The following GCN1 variants were observed in gnomAD, a reference collection of about 807,000 sequenced individuals.
The protein encoded by GCN1 is GCN1 activator of EIF2AK4, also known as stalled ribosome sensor GCN1.
GCN1 carries 90 observed loss-of-function variants against 288.4 expected under a neutral mutation model. The observed-to-expected ratio is 0.31, with a 90% CI of 0.26 to 0.37. The LOEUF is 0.37. Among genes scored for constraint, GCN1 ranks in the 10% least tolerant of loss-of-function variants. The pLI is 1.00. For missense variants in GCN1, 2,586 were observed against 3,419.9 expected (o/e 0.76, Z 6.08); for synonymous variants, 1,386 against 1,420.2 (o/e 0.98, Z 0.54).
intron 2 of GCN1, among the ~76,000 whole-genome samples, chr12:120,190,085 C>A (rs891536688): frequency 6.6e-6 from 1 of 151,474 alleles, no homozygotes; most frequent in African/African-American, 2.4e-5. Context: ...ATTAGGCAGG[C>A]ATGATATGGG....
At chr12:120,138,571 T>C in intron 46 of GCN1, 124 bp downstream of exon 46, 1 of 1,086,488 alleles carries the variant, frequency 9.2e-7, no homozygotes, top group Non-Finnish European at 1.4e-6. Context: ...CTGATCTTGC[T>C]ATACCCACTC....
At chr12:120,182,166 A>C (rs1046237199) in intron 5 of GCN1, among the ~76,000 whole-genome samples, 6 of 151,836 alleles carry the variant, frequency 4.0e-5, no homozygotes, top group Non-Finnish European at 7.4e-5. Context: ...AAACAAAAAA[A>C]AAAAAACAAA....
chr12:120,170,710 G>C (rs1172746419), intron 14 of GCN1, among the ~76,000 whole-genome samples: 1 of 152,078 alleles, frequency 6.6e-6, no homozygotes, highest in Non-Finnish European at 1.5e-5. Context: ...GAGACATTAG[G>C]TGTGTTGCTC....
intron 2 of GCN1, among the ~76,000 whole-genome samples, chr12:120,187,183 G>T (rs1247881229): frequency 1.3e-5 from 2 of 151,972 alleles, no homozygotes; most frequent in East Asian, 3.9e-4. Context: ...TGGACAGAAA[G>T]GGAGACCCAA....
chr12:120,148,391 G>C (rs1212866428), intron 36 of GCN1, 45 bp from the exon 37 acceptor site: 1 of 1,506,884 alleles, frequency 6.6e-7, no homozygotes. Context: ...ACTGAGCAAA[G>C]GCCAGCAACT....
intron 22 of GCN1, 55 bp from the exon 23 acceptor site, chr12:120,160,310 C>T: frequency 3.3e-6 from 4 of 1,214,586 alleles, no homozygotes; most frequent in Non-Finnish European, 4.9e-6. Context: ...GACCTCCCTC[C>T]CCAACAGAGG....
At chr12:120,173,916 A>C in intron 13 of GCN1, 90 bp from the exon 14 acceptor site, 1 of 1,147,776 alleles carries the variant, frequency 8.7e-7, no homozygotes, top group South Asian at 1.3e-5. Context: ...CCAGAGTACA[A>C]GCGGGAGGAA....
chr12:120,167,816 T>C (rs1323594314), intron 16 of GCN1, among the ~76,000 whole-genome samples: 1 of 152,106 alleles, frequency 6.6e-6, no homozygotes. Flanking sequence ...AAAATTCAAC[T>C]GTTCCTTTTC....
At position 120,151,518 on chromosome 12, in the gene GCN1, C is replaced by T. The variant is rs139125124; in HGVS notation, c.4063-127G>A. ...CAAGCCCCATCTCAGCCACTGCCTGCGGATGTCACAGGGCACCAGAGAAGC... is the reference window on the plus strand; with the variant it reads ...CAAGCCCCATCTCAGCCACTGCCTGTGGATGTCACAGGGCACCAGAGAAGC... On this transcript the variant is annotated intron_variant, in intron 33 of 57. Coordinates refer to ENST00000300648, the MANE Select transcript of GCN1 (RefSeq NM_006836.2). The T allele has an allele frequency of 9.1e-5, 85 of 932,982 alleles. No homozygotes were observed. In the East Asian group the frequency reaches 1.0e-3, roughly 11 times the overall value. 57.8% of individuals were successfully genotyped at this position (932,982 alleles called of 1,614,324 possible).
In GCN1 at chr12:120,169,969, A is replaced by G. The variant is rs545531354; in HGVS notation, c.1519+200T>C. Among the ~76,000 whole-genome samples, 8 of 152,348 alleles carry G rather than the reference A, an allele frequency of 5.3e-5. No homozygotes were observed. The East Asian group carries it at 1.5e-3, about 29-fold the overall frequency. ...TGTGTAGCACTGGAGCAACAGAATG[A>G]AGGAGGACAGTGACACAGTCCCCTG... On this transcript the variant is annotated intron_variant, in intron 15 of 57. Coordinates refer to ENST00000300648, the MANE Select transcript of GCN1 (RefSeq NM_006836.2).
intron 15 of GCN1, among the ~76,000 whole-genome samples, chr12:120,169,398 TTATATATAG>T (rs1878245332): frequency 6.7e-6 from 1 of 148,468 alleles, no homozygotes; most frequent in South Asian, 2.1e-4. Flanking sequence ...CGAAGATATA[TTATATATAG>T]TATATATATT....
At chr12:120,176,746 T>C (rs1878493161) in intron 9 of GCN1, among the ~76,000 whole-genome samples, 1 of 152,160 alleles carries the variant, frequency 6.6e-6, no homozygotes, top group African/African-American at 2.4e-5. Flanking sequence ...TGCATTCTTC[T>C]GACAAGACAG....
chr12:120,173,710 T>C lies in GCN1; in HGVS notation c.1309A>G (p.Thr437Ala). 1 of 1,612,778 alleles carries C rather than the reference T, an allele frequency of 6.2e-7. No individual in the cohort carries two copies. Among genetic ancestry groups the C allele is most frequent in the South Asian group, 1.1e-5 (1 of 91,046 alleles). Residue 437 changes from threonine (T) to alanine (A), a missense_variant, in exon 14 of 58, where the codon ACC (threonine) becomes GCC (alanine). Thr to Ala is a moderately conservative substitution (Grantham distance 58). Around this residue, in one of 8 missense-constraint regions of GCN1, gnomAD observed 913 missense variants for 1,107.0 expected, o/e 0.82. Transcript: ENST00000300648. ...EWFKKAFSLK[T>A]STSAVRHAYL... is the part of the protein sequence containing the mutation. ...GCATGCCTCACCGCAGATGTGGAGG[T>C]TTTAAGGCTGAAAGCTTTTTTGAAC...
chr12:120,153,078 G>C lies in GCN1; in HGVS notation c.4062+135C>G, dbSNP rs1330373536. The C allele has an allele frequency of 4.4e-6, 3 of 677,164 alleles. No homozygotes were observed. Among genetic ancestry groups the C allele is most frequent in the Admixed American group, 2.8e-5 (1 of 35,934 alleles). 41.9% of individuals were successfully genotyped at this position (677,164 alleles called of 1,614,324 possible). ...TAAACCAGGCTCTCCCCTGCGAGAG[G>C]GGGTGAATCCTTAACAAGAACTGGG... On this transcript the variant is annotated intron_variant, in intron 33 of 57. Coordinates refer to ENST00000300648, the MANE Select transcript of GCN1 (RefSeq NM_006836.2). The surrounding 1 kb of genome is among the most constrained non-coding windows in gnomAD (Gnocchi z 4.4).
At chr12:120,164,239 G>A in intron 18 of GCN1, 97 bp downstream of exon 18, 1 of 991,786 alleles carries the variant, frequency 1.0e-6, no homozygotes, top group Middle Eastern at 2.2e-4. Context: ...GATTAAGAAA[G>A]AACACCCAGG....
chr12:120,183,997 T>C (rs933945772), intron 4 of GCN1, 115 bp downstream of exon 4: 7 of 1,019,434 alleles, frequency 6.9e-6, no homozygotes, highest in Non-Finnish European at 1.0e-5. Flanking sequence ...GGAAAGTGGT[T>C]TTCTCCACTA....
chr12:120,173,056 T>C (rs939278785), intron 14 of GCN1, among the ~76,000 whole-genome samples: 6 of 146,036 alleles, frequency 4.1e-5, no homozygotes, highest in Admixed American at 6.8e-5. Flanking sequence ...TTTAAACCAG[T>C]CTTTTTTTTT....
At chr12:120,168,739 G>A (rs1878212168) in intron 15 of GCN1, among the ~76,000 whole-genome samples, 1 of 150,666 alleles carries the variant, frequency 6.6e-6, no homozygotes. Flanking sequence ...CCAACTAAAA[G>A]CAATCTCTCC....
At chr12:120,136,945 C>T (rs980626281) in intron 50 of GCN1, among the ~76,000 whole-genome samples, 1 of 152,200 alleles carries the variant, frequency 6.6e-6, no homozygotes, top group Non-Finnish European at 1.5e-5. Flanking sequence ...GCCTATCACA[C>T]AGAGAGAACA....
Sources: gnomAD v4.1 joint callset for allele counts (sites outside exome capture counted in the v4.1 genomes callset) on GRCh38, gnomAD v4.1.1 for gene constraint, gnomAD v4.1.1 regional missense constraint, Gnocchi (gnomAD v3.1) non-coding constraint, MANE v1.5 for transcripts, NCBI Gene and HGNC (gene_info 2026-07-23, HGNC 2026-07-21) for gene names.